Variants in CACNA2D3 observed in about 807,000 individuals in gnomAD.
CACNA2D3 encodes the protein voltage-dependent calcium channel subunit alpha-2/delta-3.
Under a neutral mutation model 160.6 loss-of-function variants are expected in CACNA2D3, and 60 were observed. The observed-to-expected ratio is 0.37, with a 90% CI of 0.30 to 0.46. The LOEUF is 0.46. Ranked by LOEUF, CACNA2D3 falls within the 20% of genes least tolerant of loss-of-function variation. The probability of loss-of-function intolerance (pLI) is 1.00; values close to 1 mark genes in which losing one functional copy is unlikely to be tolerated. For missense variants in CACNA2D3, 1,205 were observed against 1,365.0 expected (o/e 0.88, Z 1.85); for synonymous variants, 558 against 492.9 (o/e 1.13, Z -1.75).
intron 4 of CACNA2D3, among the ~76,000 whole-genome samples, chr3:54,465,232 C>G (rs1019020286): frequency 6.6e-6 from 1 of 151,782 alleles, no homozygotes; most frequent in Non-Finnish European, 1.5e-5. Flanking sequence ...ATGTTTCCTT[C>G]AGATCATGTA....
At chr3:54,335,959 G>A (rs1419899639) in intron 3 of CACNA2D3, among the ~76,000 whole-genome samples, 6 of 142,244 alleles carry the variant, frequency 4.2e-5, no homozygotes, top group African/African-American at 1.1e-4. Context: ...AGCTGAGATC[G>A]CGCCACTGTA....
chr3:54,186,057 T>C (rs1287634618), intron 2 of CACNA2D3, among the ~76,000 whole-genome samples: 1 of 152,154 alleles, frequency 6.6e-6, no homozygotes, highest in Non-Finnish European at 1.5e-5. Context: ...ATCACTCCTT[T>C]CTTTACCAGT....
chr3:54,717,184 G>A (rs1211041525), intron 11 of CACNA2D3, among the ~76,000 whole-genome samples: 1 of 152,110 alleles, frequency 6.6e-6, no homozygotes, highest in Non-Finnish European at 1.5e-5. Flanking sequence ...TCATTGCTGT[G>A]TAGTACTCTG....
intron 2 of CACNA2D3, among the ~76,000 whole-genome samples, chr3:54,299,043 C>T (rs765733778): frequency 2.5e-4 from 38 of 150,864 alleles, no homozygotes; most frequent in Non-Finnish European, 5.5e-4. Flanking sequence ...CACAGTCTGC[C>T]ATTTGCAAGA....
chr3:54,291,727 C>T (rs1003463794), intron 2 of CACNA2D3, among the ~76,000 whole-genome samples: 2 of 152,060 alleles, frequency 1.3e-5, no homozygotes, highest in African/African-American at 2.4e-5. Flanking sequence ...AAACTGTGAT[C>T]GTGGAGCAGG....
chr3:55,072,804 G>GACTA (rs1460867570), intron 35 of CACNA2D3, among the ~76,000 whole-genome samples: 11 of 152,152 alleles, frequency 7.2e-5, no homozygotes, highest in Admixed American at 3.9e-4. Flanking sequence ...GTTTAAGTTG[G>GACTA]ACTAACTATC....
rs139185789 is a variant in CACNA2D3, at chr3:54,475,358, C to T, written c.382-28134C>T. On this transcript the variant is annotated intron_variant, in intron 4 of 37. Transcript: ENST00000474759. ...GGAGAATAAAATAATTGAATTATCT[C>T]CCTGGGCAAAAGCAAATGGCATGGA... 2.9e-4 allele frequency among the ~76,000 whole-genome samples: 44 copies of T among 152,202 alleles called. No individual in the cohort carries two copies. The Middle Eastern group carries it at 0.014, about 47-fold the overall frequency.
intron 30 of CACNA2D3, 136 bp from the exon 31 acceptor site, chr3:54,987,547 A>C: frequency 1.8e-6 from 1 of 568,472 alleles, no homozygotes; most frequent in Non-Finnish European, 3.1e-6. Flanking sequence ...GACTGTTAAA[A>C]CCTTTTCCAC....
intron 27 of CACNA2D3, among the ~76,000 whole-genome samples, chr3:54,960,686 C>T (rs1302479720): frequency 6.6e-6 from 1 of 152,210 alleles, no homozygotes; most frequent in Non-Finnish European, 1.5e-5. Context: ...GTGCAGCTGC[C>T]TTCCCTTCCT....
At chr3:54,688,935 T>C (rs1182814182) in intron 11 of CACNA2D3, among the ~76,000 whole-genome samples, 1 of 123,644 alleles carries the variant, frequency 8.1e-6, no homozygotes, top group East Asian at 2.6e-4. Flanking sequence ...TGAGCTGAAA[T>C]TGCACCATTG....
intron 3 of CACNA2D3, among the ~76,000 whole-genome samples, chr3:54,349,951 C>T (rs1254970818): frequency 1.3e-5 from 2 of 152,192 alleles, no homozygotes; most frequent in Non-Finnish European, 2.9e-5. Context: ...GGACAGAGGG[C>T]CCATTGGTTC....
chr3:54,402,358 C>G (rs950043749), intron 4 of CACNA2D3, among the ~76,000 whole-genome samples: 2 of 151,928 alleles, frequency 1.3e-5, no homozygotes, highest in African/African-American at 4.8e-5. Context: ...ATTAAAAAAA[C>G]AAGGTCCAAC....
chr3:54,845,916 G>A (rs539640617), intron 16 of CACNA2D3, among the ~76,000 whole-genome samples: 23 of 152,250 alleles, frequency 1.5e-4, no homozygotes, highest in Middle Eastern at 6.8e-3. Flanking sequence ...GGAAAATGAC[G>A]GCCTAGGGGA....
intron 4 of CACNA2D3, among the ~76,000 whole-genome samples, chr3:54,435,734 A>G (rs559954090): frequency 6.6e-6 from 1 of 152,382 alleles, no homozygotes; most frequent in Non-Finnish European, 1.5e-5. Flanking sequence ...TTTAATAAGA[A>G]AAGACAATCC....
intron 12 of CACNA2D3, among the ~76,000 whole-genome samples, chr3:54,754,414 G>A (rs146194813): frequency 1.5e-4 from 23 of 152,292 alleles, no homozygotes; most frequent in Admixed American, 6.5e-4. Flanking sequence ...CACACATGTT[G>A]TGGGCATGAC....
intron 4 of CACNA2D3, among the ~76,000 whole-genome samples, chr3:54,469,011 T>G (rs554397997): frequency 6.6e-6 from 1 of 152,228 alleles, no homozygotes; most frequent in African/African-American, 2.4e-5. Context: ...TCAGCAGACT[T>G]AAATGTTCCC....
chr3:54,781,879 T>C, intron 13 of CACNA2D3, among the ~76,000 whole-genome samples: 1 of 152,232 alleles, frequency 6.6e-6, no homozygotes, highest in East Asian at 1.9e-4. Flanking sequence ...ACGTTCTATT[T>C]GGAGTCAGGT....
At chr3:54,633,546 T>G (rs959883884) in intron 10 of CACNA2D3, 2 of 152,110 alleles carry the variant, frequency 1.3e-5, no homozygotes, top group Admixed American at 1.3e-4. Context: ...TGCTAGTACA[T>G]GCTTCTTCCC....
intron 4 of CACNA2D3, among the ~76,000 whole-genome samples, chr3:54,418,998 C>T (rs954825157): frequency 1.3e-5 from 2 of 152,200 alleles, no homozygotes; most frequent in African/African-American, 4.8e-5. Context: ...ACATCTGGCA[C>T]TCAGTAACTA....
Sources: allele counts gnomAD v4.1 joint callset (sites outside exome capture counted in the v4.1 genomes callset), GRCh38; gene constraint gnomAD v4.1.1; transcripts MANE v1.5; gene names NCBI Gene and HGNC (gene_info 2026-07-23, HGNC 2026-07-21).